Variants in SEM1 observed in about 807,000 individuals in gnomAD.
SEM1 encodes 26S proteasome complex subunit SEM1.
A neutral mutation model predicts 12.7 loss-of-function variants in SEM1; 3 were observed. The observed-to-expected ratio is 0.24, with a 90% confidence interval of 0.11 to 0.61. The LOEUF is 0.61. SEM1 is among the 20% of genes least tolerant of loss of function. The probability of loss-of-function intolerance (pLI) is 0.88; values close to 1 mark genes in which losing one functional copy is unlikely to be tolerated. For missense variants in SEM1, 59 were observed against 81.3 expected, an observed-to-expected ratio of 0.73 and a Z score of 1.06; for synonymous variants, 30 against 27.8, an observed-to-expected ratio of 1.08 and a Z score of -0.25.
At chr7:96,642,645 T>C (rs1369919791) in intron 2 of SEM1, among the ~76,000 whole-genome samples, 6 of 152,040 alleles carry the variant, frequency 3.9e-5, no homozygotes, top group Admixed American at 3.3e-4. Flanking sequence ...TACTAAATAA[T>C]TATTTCTCAT....
chr7:96,631,101 G>A (rs1188531776), intron 2 of SEM1, among the ~76,000 whole-genome samples: 3 of 151,970 alleles, frequency 2.0e-5, no homozygotes, highest in Admixed American at 1.3e-4. Flanking sequence ...CCTGGGGTTA[G>A]GGGAATGGTG....
At chr7:96,623,616 A>G (rs888762053) in intron 2 of SEM1, among the ~76,000 whole-genome samples, 10 of 149,482 alleles carry the variant, frequency 6.7e-5, no homozygotes, top group Non-Finnish European at 1.3e-4. Context: ...ATAAATATAT[A>G]TGGAATTCAT....
At chr7:96,558,826 T>C (rs1428461186) in intron 2 of SEM1, among the ~76,000 whole-genome samples, 1 of 152,214 alleles carries the variant, frequency 6.6e-6, no homozygotes, top group Non-Finnish European at 1.5e-5. Context: ...CAGGATCCAA[T>C]AAATTATTGC....
At chr7:96,519,179 G>A (rs1395752635) in intron 2 of SEM1, among the ~76,000 whole-genome samples, 1 of 152,134 alleles carries the variant, frequency 6.6e-6, no homozygotes, top group Non-Finnish European at 1.5e-5. Flanking sequence ...ACTAGTGACT[G>A]GCAGAGAGGA....
downstream of SEM1, chr7:96,673,140 G>C (rs1357316981): frequency 2.0e-5 from 3 of 151,892 alleles, no homozygotes; most frequent in Non-Finnish European, 4.4e-5. Context: ...TTTTGAGACA[G>C]AGTCTTGCTC....
At chr7:96,611,667 T>C (rs1807544405) in intron 2 of SEM1, among the ~76,000 whole-genome samples, 1 of 152,232 alleles carries the variant, frequency 6.6e-6, no homozygotes, top group South Asian at 2.1e-4. Context: ...CCATGTGTTT[T>C]TGAGAATTTC....
chr7:96,705,819 CAA>C (rs1218812594), intron 1 of SEM1, among the ~76,000 whole-genome samples: 11 of 96,404 alleles, frequency 1.1e-4, no homozygotes, highest in Admixed American at 3.3e-4. Context: ...GACTCTGTCT[CAA>C]AAAAAAAAAA....
At chr7:96,615,241 C>CTTTTTTTTTTTTTTTTTTTTTTTTTTTT (rs60940244) in intron 2 of SEM1, among the ~76,000 whole-genome samples, 6 of 126,462 alleles carry the variant, frequency 4.7e-5, no homozygotes, top group African/African-American at 1.9e-4. Context: ...TTTGAGTCAT[C>CTTTTTTTTTTTTTTTTTTTTTTTTTTTT]TTTTTTTTTT....
Position 96,531,560 on chromosome 7 carries a change from A to G in SEM1, c.171-24862T>C, listed in dbSNP as rs1804642298. The stretch of plus-strand genomic sequence containing the variant: ...AAGGTCAAGACTGCAGTGAGCCATC[A>G]TCATGTCACTGCACTGCAGCCTGGG... On this transcript the variant is annotated intron_variant and NMD_transcript_variant, in intron 2 of 3. Coordinates refer to the SEM1 transcript ENST00000466986. 2.6e-5 allele frequency among the ~76,000 whole-genome samples: 4 copies of G among 151,066 alleles called. No individual in the cohort carries two copies. The South Asian group carries it at 8.4e-4, about 32-fold the overall frequency.
At chr7:96,535,616 C>T (rs150365990) in intron 2 of SEM1, among the ~76,000 whole-genome samples, 98 of 151,950 alleles carry the variant, frequency 6.4e-4, no homozygotes, top group Non-Finnish European at 1.3e-4. Flanking sequence ...TCTCTCTCCT[C>T]TCCCCTTCCT....
intron 2 of SEM1, among the ~76,000 whole-genome samples, chr7:96,518,225 A>G (rs1804158059): frequency 6.6e-6 from 1 of 152,102 alleles, no homozygotes; most frequent in African/African-American, 2.4e-5. Flanking sequence ...AAGTCACCCC[A>G]TATTATTCTT....
rs1808548638 is a variant in SEM1, at chr7:96,640,188, T to A, written c.171-17545A>T. ...TGGATTCTTACAAAACTAAACATAC[T>A]CTTACCATGGGATCCAGAAATTATA... On this transcript the variant is annotated intron_variant, in intron 2 of 2. Transcript: ENST00000417009. The surrounding 1 kb of genome is among the most constrained non-coding windows in gnomAD (Gnocchi z 4.0). Among the ~76,000 whole-genome samples the A allele has an allele frequency of 6.6e-6, 1 of 151,932 alleles. No individual in the cohort carries two copies. Among genetic ancestry groups the A allele is most frequent in the African/African-American group, 2.4e-5 (1 of 41,394 alleles).
At chr7:96,584,393 C>T (rs1479567011) in intron 2 of SEM1, among the ~76,000 whole-genome samples, 2 of 151,956 alleles carry the variant, frequency 1.3e-5, no homozygotes, top group African/African-American at 2.4e-5. Context: ...CTCTGGCTGC[C>T]CTTAACATTT....
At chr7:96,672,086 G>A (rs1789331552), downstream of SEM1, among the ~76,000 whole-genome samples, 1 of 152,226 alleles carries the variant, frequency 6.6e-6, no homozygotes, top group Non-Finnish European at 1.5e-5. Flanking sequence ...ACAAACAGAA[G>A]CTCAATGGCC....
At chr7:96,555,428 T>C (rs1301804456) in intron 2 of SEM1, among the ~76,000 whole-genome samples, 3 of 147,768 alleles carry the variant, frequency 2.0e-5, no homozygotes, top group Non-Finnish European at 3.0e-5. Context: ...TCTTTATTTC[T>C]GCCTTCATTT....
At chr7:96,619,575 G>T (rs942438422), downstream of SEM1, among the ~76,000 whole-genome samples, 1 of 152,192 alleles carries the variant, frequency 6.6e-6, no homozygotes, top group South Asian at 2.1e-4. Context: ...TTAGCCTCCA[G>T]GTGGCTTGCT....
chr7:96,699,125 T>G (rs1790192546), intron 1 of SEM1, among the ~76,000 whole-genome samples: 1 of 152,224 alleles, frequency 6.6e-6, no homozygotes, highest in Admixed American at 6.5e-5. Context: ...AATCTCAACT[T>G]CACCATGCAT....
chr7:96,611,877 C>T (rs980186834), intron 2 of SEM1, among the ~76,000 whole-genome samples: 2 of 152,050 alleles, frequency 1.3e-5, no homozygotes, highest in South Asian at 2.1e-4. Context: ...CTAAGCTGAT[C>T]GGATCTACTA....
chr7:96,530,442 T>A (rs2115710045), intron 2 of SEM1, among the ~76,000 whole-genome samples: 1 of 152,190 alleles, frequency 6.6e-6, no homozygotes, highest in South Asian at 2.1e-4. Context: ...GAGTGAGTGC[T>A]ATGATCCCAG....
Sources: gnomAD v4.1 joint callset for allele counts (sites outside exome capture counted in the v4.1 genomes callset) on GRCh38, gnomAD v4.1.1 for gene constraint, Gnocchi (gnomAD v3.1) non-coding constraint, MANE v1.5 for transcripts, NCBI Gene and HGNC (gene_info 2026-07-23, HGNC 2026-07-21) for gene names.